The following DCDC2 variants were observed in gnomAD, a reference collection of about 807,000 sequenced individuals.
DCDC2 encodes the protein doublecortin domain-containing protein 2.
Under a neutral mutation model 50.2 loss-of-function variants are expected in DCDC2, and 40 were observed. The ratio of observed to expected loss-of-function variants is 0.80; its 90% CI spans 0.62 to 1.04. The LOEUF is 1.04. Ranked by LOEUF, DCDC2 falls within the 50% of genes least tolerant of loss-of-function variation. The pLI is 0.00. For synonymous variants in DCDC2, 234 were observed against 210.6 expected (o/e 1.11, Z -0.96); for missense variants, 570 against 581.9 (o/e 0.98, Z 0.21).
chr6:24,251,573 G>A (rs912747469), intron 7 of DCDC2, among the ~76,000 whole-genome samples: 1 of 152,054 alleles, frequency 6.6e-6, no homozygotes, highest in African/African-American at 2.4e-5. Flanking sequence ...TGCAAAGTCT[G>A]CCTAAGCTAA....
chr6:24,361,570 T>C (rs953927956), upstream of DCDC2, among the ~76,000 whole-genome samples: 4 of 152,108 alleles, frequency 2.6e-5, no homozygotes, highest in African/African-American at 7.2e-5. Flanking sequence ...CCTGTGAAAA[T>C]GTGCTACCAC....
At chr6:24,262,591 G>T (rs1763035265) in intron 7 of DCDC2, among the ~76,000 whole-genome samples, 1 of 152,166 alleles carries the variant, frequency 6.6e-6, no homozygotes, top group South Asian at 2.1e-4. Context: ...CGCAGCTTTG[G>T]GAGAGATTCC....
intron 3 of DCDC2, 53 bp from the exon 4 acceptor site, chr6:24,301,899 C>A: frequency 6.2e-7 from 1 of 1,612,850 alleles, no homozygotes. Context: ...AAAACTACAA[C>A]ACAAATTCCA....
At chr6:24,360,283 C>G (rs1197355955), upstream of DCDC2, among the ~76,000 whole-genome samples, 1 of 152,284 alleles carries the variant, frequency 6.6e-6, no homozygotes, top group African/African-American at 2.4e-5. Flanking sequence ...GAGGGAGAAA[C>G]AGGTGACATG....
upstream of DCDC2, chr6:24,358,132 A>G (rs576655302): frequency 5.5e-5 from 28 of 512,306 alleles, 1 homozygote; most frequent in South Asian, 7.1e-4. Flanking sequence ...GAGGACGCAC[A>G]CACACACACA....
upstream of DCDC2, among the ~76,000 whole-genome samples, chr6:24,359,568 A>G (rs1225416536): frequency 8.8e-6 from 1 of 113,574 alleles, no homozygotes; most frequent in African/African-American, 3.4e-5. Context: ...ATATTTTTAT[A>G]TATATATTTT....
chr6:24,318,168 T>C (rs554735896), intron 2 of DCDC2, among the ~76,000 whole-genome samples: 3 of 150,738 alleles, frequency 2.0e-5, no homozygotes, highest in South Asian at 2.1e-4. Flanking sequence ...AATATATACC[T>C]CCAACAAATG....
At chr6:24,190,288 T>C (rs1241551153) in intron 8 of DCDC2, among the ~76,000 whole-genome samples, 4 of 152,116 alleles carry the variant, frequency 2.6e-5, no homozygotes, top group Admixed American at 2.6e-4. Flanking sequence ...TTAGATGGCA[T>C]GAATATATTT....
intron 8 of DCDC2, among the ~76,000 whole-genome samples, chr6:24,182,476 C>CA (rs1320646620): frequency 1.3e-5 from 2 of 151,766 alleles, no homozygotes; most frequent in Non-Finnish European, 2.9e-5. Flanking sequence ...AAGTCTCATT[C>CA]AAAAATGTGC....
chr6:24,368,320 G>T, the DCDC2 span, among the ~76,000 whole-genome samples: 9 of 151,832 alleles, frequency 5.9e-5, no homozygotes, highest in Non-Finnish European at 8.8e-5. Flanking sequence ...TTATTGAAAG[G>T]TTCAAATATT....
At chr6:24,220,915 C>CGAGA (rs1369192042) in intron 7 of DCDC2, among the ~76,000 whole-genome samples, 216 of 131,494 alleles carry the variant, frequency 1.6e-3, no homozygotes, top group South Asian at 2.2e-3. Flanking sequence ...AGAGAGTGAG[C>CGAGA]GAGCGAGCGA....
At chr6:24,302,453 C>A (rs556097230) in intron 2 of DCDC2, among the ~76,000 whole-genome samples, 2 of 152,048 alleles carry the variant, frequency 1.3e-5, no homozygotes, top group Non-Finnish European at 2.9e-5. Flanking sequence ...CTTTCCTTTC[C>A]CATTCCCATG....
intron 2 of DCDC2, among the ~76,000 whole-genome samples, chr6:24,347,096 A>T (rs1760279617): frequency 6.6e-6 from 1 of 152,234 alleles, no homozygotes; most frequent in Non-Finnish European, 1.5e-5. Context: ...TTAGGAAAAT[A>T]GAAAAATACT....
the DCDC2 span, among the ~76,000 whole-genome samples, chr6:24,365,093 G>T: frequency 6.7e-6 from 1 of 148,618 alleles, no homozygotes; most frequent in Non-Finnish European, 1.5e-5. Context: ...TCTGGTAATG[G>T]CTAACCTCTC....
chr6:24,188,202 G>A (rs1032801704), intron 8 of DCDC2, among the ~76,000 whole-genome samples: 1 of 152,184 alleles, frequency 6.6e-6, no homozygotes, highest in Non-Finnish European at 1.5e-5. Context: ...GACAATGCTG[G>A]TCCCCAAATG....
At chr6:24,279,676 G>C (rs1195601345) in intron 6 of DCDC2, among the ~76,000 whole-genome samples, 1 of 152,224 alleles carries the variant, frequency 6.6e-6, no homozygotes, top group East Asian at 1.9e-4. Context: ...CTGAGAGTAT[G>C]TGGTGAGAGG....
intron 4 of DCDC2, among the ~76,000 whole-genome samples, chr6:24,297,420 T>C (rs1364437961): frequency 1.3e-5 from 2 of 152,214 alleles, no homozygotes; most frequent in Admixed American, 1.3e-4. Flanking sequence ...GACACAAGTT[T>C]ACCTATGCAA....
At chr6:24,248,538 C>T (rs976150160) in intron 7 of DCDC2, among the ~76,000 whole-genome samples, 2 of 152,118 alleles carry the variant, frequency 1.3e-5, no homozygotes, top group African/African-American at 4.8e-5. Context: ...TCATTAGTAT[C>T]ATTTTGTGGC....
intron 6 of DCDC2, among the ~76,000 whole-genome samples, chr6:24,284,013 C>T (rs1414891247): frequency 6.6e-6 from 1 of 152,184 alleles, no homozygotes; most frequent in African/African-American, 2.4e-5. Flanking sequence ...GTGTATATCA[C>T]ACGTATTGTG....
Sources: allele counts gnomAD v4.1 joint callset (sites outside exome capture counted in the v4.1 genomes callset), GRCh38; gene constraint gnomAD v4.1.1; transcripts MANE v1.5; gene names NCBI Gene and HGNC (gene_info 2026-07-23, HGNC 2026-07-21).